Variants in TRAFD1 observed in about 807,000 individuals in gnomAD.
TRAFD1 encodes the protein TRAF-type zinc finger domain containing 1, also known as TRAF-type zinc finger domain-containing protein 1.
TRAFD1 carries 38 observed loss-of-function variants against 65.3 expected under a neutral mutation model. That is an observed-to-expected ratio of 0.58 (90% CI 0.45 to 0.76). The LOEUF (loss-of-function observed/expected upper bound fraction) is 0.76, where lower values mean the gene tolerates loss of function less well. Among genes scored for constraint, TRAFD1 ranks in the 30% least tolerant of loss-of-function variants. The pLI, the probability that TRAFD1 is intolerant of heterozygous loss-of-function variation, is 0.00. For synonymous variants in TRAFD1, 223 were observed against 257.2 expected (o/e 0.87, Z 1.27); for missense variants, 631 against 712.6 (o/e 0.89, Z 1.30).
chr12:112,135,338 C>T (rs2079592757), intron 4 of TRAFD1, among the ~76,000 whole-genome samples: 1 of 152,226 alleles, frequency 6.6e-6, no homozygotes, highest in Admixed American at 6.5e-5. Flanking sequence ...TTGGCAGCCT[C>T]ACTGAATATG....
In TRAFD1 at chr12:112,149,730, AT is replaced by A; in HGVS notation, c.1159-19del. ...GGAATGACTCAATTCAGAGGTACTAATTCTGGTTTTTCTTGTTTAGGACCAG... is the reference window on the plus strand; with the variant it reads ...GGAATGACTCAATTCAGAGGTACTAATCTGGTTTTTCTTGTTTAGGACCAG... On this transcript the variant is annotated intron_variant, in intron 8 of 11. Coordinates refer to ENST00000412615, the MANE Select transcript of TRAFD1 (RefSeq NM_006700.3). The A allele has an allele frequency of 6.2e-7, 1 of 1,613,732 alleles. No homozygotes were observed. Among genetic ancestry groups the A allele is most frequent in the Non-Finnish European group, 8.5e-7 (1 of 1,179,762 alleles).
intron 2 of TRAFD1, among the ~76,000 whole-genome samples, chr12:112,134,382 A>G (rs1030065900): frequency 7.0e-6 from 1 of 141,928 alleles, no homozygotes; most frequent in African/African-American, 2.7e-5. Context: ...CAGCCTCCCG[A>G]GTAGCTGGGA....
chr12:112,135,770 G>A (rs1222748724), intron 4 of TRAFD1, among the ~76,000 whole-genome samples: 1 of 151,502 alleles, frequency 6.6e-6, no homozygotes, highest in African/African-American at 2.4e-5. Flanking sequence ...CTCAGCATTT[G>A]GTGAGAGAGA....
intron 8 of TRAFD1, 123 bp from the exon 9 acceptor site, chr12:112,149,628 G>C: frequency 7.3e-7 from 1 of 1,367,662 alleles, no homozygotes; most frequent in Middle Eastern, 2.3e-4. Flanking sequence ...AAAGTTCCCA[G>C]AACTTTCAGA....
chr12:112,145,291 G>A (rs1412247203), intron 6 of TRAFD1, among the ~76,000 whole-genome samples: 1 of 152,148 alleles, frequency 6.6e-6, no homozygotes, highest in East Asian at 1.9e-4. Flanking sequence ...ATTGCCTATG[G>A]TTATTACACA....
intron 5 of TRAFD1, chr12:112,141,538 C>A (rs1466616348): frequency 3.9e-6 from 1 of 259,564 alleles, no homozygotes; most frequent in Non-Finnish European, 7.3e-6. Context: ...ACTGGATGAG[C>A]ATCTCAAATC....
At position 112,130,365 on chromosome 12, in the gene TRAFD1, C is replaced by A; in HGVS notation, c.-12-146C>A. The A allele has an allele frequency of 2.2e-6, 1 of 462,034 alleles. No individual in the cohort carries two copies. The highest frequency in any genetic ancestry group is 3.8e-6 in the Non-Finnish European group (1 of 260,478). 28.6% of individuals were successfully genotyped at this position (462,034 alleles called of 1,614,324 possible). ...TTGAAAATTTTAAAATAAGAAAATC[C>A]CAAGGGACTGGATATTGAATAAAAT... On this transcript the variant is annotated intron_variant, in intron 1 of 11. Coordinates refer to ENST00000412615, the MANE Select transcript of TRAFD1 (RefSeq NM_006700.3). This position sits in a 1 kb window ranked among gnomAD's most constrained non-coding sequence, Gnocchi z 4.4.
Position 112,148,120 on chromosome 12 carries a change from G to T in TRAFD1, c.974G>T (p.Ser325Ile). The change falls in exon 8 of 12, where the codon AGC becomes ATC. Residue 325 changes from serine (S) to isoleucine (I), a missense_variant. Physicochemically the swap from Ser to Ile is moderately radical, Grantham distance 142. Coordinates refer to ENST00000412615, the MANE Select transcript of TRAFD1 (RefSeq NM_006700.3). ...SRALPSLNTG[S>I]SSPRGVEEPD... The stretch of plus-strand genomic sequence containing the variant: ...GCCTTACCTTCACTCAATACTGGCA[G>T]CTCTTCCCCCAGAGGGGTGGAGGAA... 6.2e-7 allele frequency: 1 copy of T among 1,614,174 alleles called. No individual in the cohort carries two copies. The highest frequency in any genetic ancestry group is 8.5e-7 in the Non-Finnish European group (1 of 1,179,992).
Position 112,130,315 on chromosome 12 carries a change from C to T in TRAFD1, c.-12-196C>T, listed in dbSNP as rs2079561400. ...TTATTATTTTTATTTTTTAAAACTC[C>T]CTTATCCAATAAAATTATTTTAAAT... On this transcript the variant is annotated intron_variant, in intron 1 of 11. Coordinates refer to ENST00000412615, the MANE Select transcript of TRAFD1 (RefSeq NM_006700.3). This position sits in a 1 kb window ranked among gnomAD's most constrained non-coding sequence, Gnocchi z 4.4. 6.6e-6 allele frequency among the ~76,000 whole-genome samples: 1 copy of T among 151,928 alleles called. No individual in the cohort carries two copies. Among genetic ancestry groups the T allele is most frequent in the Admixed American group, 6.6e-5 (1 of 15,230 alleles).
chr12:112,133,826 T>G (rs2079578362), intron 2 of TRAFD1, among the ~76,000 whole-genome samples: 1 of 150,498 alleles, frequency 6.6e-6, no homozygotes, highest in South Asian at 2.1e-4. Context: ...TGCCTCAGCC[T>G]CCCGAGTAAT....
In TRAFD1 at chr12:112,140,830, C is replaced by T. The variant is rs372425567; in HGVS notation, c.249C>T (p.Cys83=). The change falls in exon 5 of 12, where the codon TGC becomes TGT. Residue 83 remains cysteine (C), a synonymous_variant. Coordinates refer to ENST00000412615, the MANE Select transcript of TRAFD1 (RefSeq NM_006700.3). ...CCTCTGTTTTGTAGGAGACTGAGTG[C>T]CCTTTGCGGCTTGCTGTCTGCCAGC... is the stretch of plus-strand genomic sequence containing the variant. ...RLLKKHEETE[C]PLRLAVCQHC... is the part of the protein sequence containing the mutation. The T allele has an allele frequency of 1.5e-5, 24 of 1,613,840 alleles. No individual in the cohort carries two copies. The highest frequency in any genetic ancestry group is 1.9e-5 in the Non-Finnish European group (23 of 1,179,876).
intron 6 of TRAFD1, among the ~76,000 whole-genome samples, chr12:112,144,021 G>A (rs916201997): frequency 3.3e-5 from 5 of 152,034 alleles, no homozygotes; most frequent in South Asian, 2.1e-4. Context: ...TAGCCACTGC[G>A]CCCAGCATAG....
Position 112,130,573 on chromosome 12 carries a change from A to G in TRAFD1, c.47+4A>G. ...AAACTCGACTGTGTGACAACTGGTA[A>G]GACATTAAATCTAAGAAATGTTAGT... is the stretch of plus-strand genomic sequence containing the variant. On this transcript the variant is annotated splice_donor_region_variant and intron_variant, in intron 2 of 11. Transcript: ENST00000412615. This position sits in a 1 kb window ranked among gnomAD's most constrained non-coding sequence, Gnocchi z 4.4. 1 of 1,611,732 alleles carries G rather than the reference A, an allele frequency of 6.2e-7. No individual in the cohort carries two copies. Among genetic ancestry groups the G allele is most frequent in the East Asian group, 2.2e-5 (1 of 44,772 alleles).
chr12:112,149,697 C>A, intron 8 of TRAFD1, 54 bp from the exon 9 acceptor site: 1 of 1,609,320 alleles, frequency 6.2e-7, no homozygotes, highest in South Asian at 1.1e-5. Flanking sequence ...ATCGCATGCT[C>A]TTTTCTGGGA....
chr12:112,125,681 A>C (rs1360588622), intron 1 of TRAFD1, 63 bp downstream of exon 1: 1 of 152,380 alleles, frequency 6.6e-6, no homozygotes, highest in Non-Finnish European at 1.5e-5. Context: ...GGAAGGGTCC[A>C]GCATCCCAAG....
At chr12:112,148,935 A>C (rs2030328047) in intron 8 of TRAFD1, among the ~76,000 whole-genome samples, 1 of 152,074 alleles carries the variant, frequency 6.6e-6, no homozygotes, top group Admixed American at 6.6e-5. Context: ...TGCTTTTCAG[A>C]GGCCAGGCAT....
rs768740406 is a variant in TRAFD1 at position 112,130,865 on chromosome 12, G to T, written c.47+296G>T. ...GTAAGCTGACAAAAAAAGCAAAGCA[G>T]AACTGTCTGCTATGTTTATTACTTT... On this transcript the variant is annotated intron_variant, in intron 2 of 11. Coordinates refer to ENST00000412615, the MANE Select transcript of TRAFD1 (RefSeq NM_006700.3). The surrounding 1 kb of genome is among the most constrained non-coding windows in gnomAD (Gnocchi z 4.4). Among the ~76,000 whole-genome samples, 1 of 152,202 alleles carries T rather than the reference G, an allele frequency of 6.6e-6. No homozygotes were observed. Among genetic ancestry groups the T allele is most frequent in the African/African-American group, 2.4e-5 (1 of 41,456 alleles).
intron 6 of TRAFD1, among the ~76,000 whole-genome samples, chr12:112,142,731 A>G (rs2030127992): frequency 6.6e-6 from 1 of 152,176 alleles, no homozygotes; most frequent in Admixed American, 6.5e-5. Context: ...CGTATTGTTT[A>G]CATAGGAGAA....
chr12:112,151,320 G>T (rs1290486362), intron 9 of TRAFD1, among the ~76,000 whole-genome samples: 2 of 152,052 alleles, frequency 1.3e-5, no homozygotes, highest in East Asian at 3.9e-4. Context: ...CAGATAATAT[G>T]TGCAGAATTG....
Sources: gnomAD v4.1 joint callset for allele counts (sites outside exome capture counted in the v4.1 genomes callset) on GRCh38, gnomAD v4.1.1 for gene constraint, Gnocchi (gnomAD v3.1) non-coding constraint, MANE v1.5 for transcripts, NCBI Gene and HGNC (gene_info 2026-07-23, HGNC 2026-07-21) for gene names.